The following POFUT3 variants were observed in gnomAD, a reference collection of about 807,000 sequenced individuals.
POFUT3 encodes protein O-fucosyltransferase 3, also known as GDP-fucose protein O-fucosyltransferase 3.
the POFUT3 span, chr8:33,461,728 G>T: frequency 8.0e-7 from 1 of 1,257,782 alleles, no homozygotes; most frequent in Non-Finnish European, 1.1e-6. Flanking sequence ...AAAAAATTCT[G>T]CAACAAAAGA....
At chr8:33,379,294 C>A in the POFUT3 span, among the ~76,000 whole-genome samples, 1 of 151,834 alleles carries the variant, frequency 6.6e-6, no homozygotes, top group Admixed American at 6.6e-5. Flanking sequence ...CCCCAACCCA[C>A]GCACATTAAC....
the POFUT3 span, among the ~76,000 whole-genome samples, chr8:33,312,523 T>C: frequency 6.6e-6 from 1 of 151,926 alleles, no homozygotes; most frequent in East Asian, 1.9e-4. Flanking sequence ...CTATGATGAG[T>C]TAGTTTTACT....
the POFUT3 span, among the ~76,000 whole-genome samples, chr8:33,407,632 A>G: frequency 6.6e-6 from 1 of 152,222 alleles, no homozygotes; most frequent in African/African-American, 2.4e-5. Context: ...GCAAGCCTTC[A>G]GCAAACCCTC....
At chr8:33,417,296 A>T in the POFUT3 span, among the ~76,000 whole-genome samples, 1 of 152,222 alleles carries the variant, frequency 6.6e-6, no homozygotes, top group South Asian at 2.1e-4. Flanking sequence ...ATTCTACATT[A>T]TGGTGAGTTG....
the POFUT3 span, among the ~76,000 whole-genome samples, chr8:33,455,343 C>G: frequency 1.3e-5 from 2 of 152,096 alleles, no homozygotes; most frequent in Non-Finnish European, 2.9e-5. Flanking sequence ...TCCAGAAGTG[C>G]TGCCTTTTCA....
At chr8:33,420,722 C>T in the POFUT3 span, among the ~76,000 whole-genome samples, 1 of 151,878 alleles carries the variant, frequency 6.6e-6, no homozygotes, top group African/African-American at 2.4e-5. Flanking sequence ...GGAATAAGTT[C>T]TCATGTTCTA....
chr8:33,380,230 CTA>C, the POFUT3 span, among the ~76,000 whole-genome samples: 80 of 54,696 alleles, frequency 1.5e-3, 1 homozygote, highest in African/African-American at 7.5e-3. Flanking sequence ...TATATATATA[CTA>C]TATATATATA....
the POFUT3 span, among the ~76,000 whole-genome samples, chr8:33,429,846 A>G: frequency 6.6e-6 from 1 of 151,970 alleles, no homozygotes; most frequent in Non-Finnish European, 1.5e-5. Flanking sequence ...AAATACAAAA[A>G]TTAGCTGGGC....
chr8:33,318,239 T>G, the POFUT3 span, among the ~76,000 whole-genome samples: 1 of 151,798 alleles, frequency 6.6e-6, no homozygotes, highest in Non-Finnish European at 1.5e-5. Context: ...AAGTTTAAAC[T>G]GCTCCACAAT....
the POFUT3 span, among the ~76,000 whole-genome samples, chr8:33,470,871 C>A: frequency 5.9e-5 from 9 of 152,178 alleles, no homozygotes; most frequent in African/African-American, 1.9e-4. Flanking sequence ...TAAATTATAT[C>A]CAGGAGTAAA....
the POFUT3 span, among the ~76,000 whole-genome samples, chr8:33,337,256 T>C: frequency 6.6e-6 from 1 of 152,334 alleles, no homozygotes; most frequent in Non-Finnish European, 1.5e-5. Flanking sequence ...AGAGATTTTT[T>C]AAATCATCTA....
the POFUT3 span, among the ~76,000 whole-genome samples, chr8:33,432,841 T>A: frequency 6.6e-6 from 1 of 152,336 alleles, no homozygotes; most frequent in Admixed American, 6.5e-5. Flanking sequence ...ATTTTCAGGA[T>A]GATAAAATAA....
the POFUT3 span, among the ~76,000 whole-genome samples, chr8:33,467,204 T>C: frequency 1.7e-5 from 2 of 120,318 alleles, no homozygotes; most frequent in African/African-American, 6.7e-5. Flanking sequence ...ACCCGGGAGG[T>C]GGAGGTTGCA....
At chr8:33,367,674 A>G in the POFUT3 span, among the ~76,000 whole-genome samples, 1 of 152,150 alleles carries the variant, frequency 6.6e-6, no homozygotes, top group Admixed American at 6.5e-5. Flanking sequence ...AATAAAATTC[A>G]TCATTTTTAT....
At chr8:33,357,495 AATAT>A in the POFUT3 span, among the ~76,000 whole-genome samples, 1 of 147,846 alleles carries the variant, frequency 6.8e-6, no homozygotes, top group Admixed American at 6.7e-5. Flanking sequence ...TCCTCTTGCA[AATAT>A]ATATATATAT....
the POFUT3 span, among the ~76,000 whole-genome samples, chr8:33,392,708 G>T: frequency 6.6e-6 from 1 of 151,974 alleles, no homozygotes; most frequent in Non-Finnish European, 1.5e-5. Context: ...ACCTGGCCAG[G>T]CATGGTGGCT....
At chr8:33,331,086 T>A in the POFUT3 span, among the ~76,000 whole-genome samples, 1 of 152,132 alleles carries the variant, frequency 6.6e-6, no homozygotes, top group Admixed American at 6.5e-5. Context: ...ACGCTTGTAA[T>A]CCCAGCACTT....
the POFUT3 span, among the ~76,000 whole-genome samples, chr8:33,381,183 T>C: frequency 2.6e-5 from 4 of 152,248 alleles, no homozygotes; most frequent in African/African-American, 4.8e-5. Flanking sequence ...TATAAAGCAA[T>C]GGAAAATTAC....
chr8:33,471,212 G>A, the POFUT3 span, among the ~76,000 whole-genome samples: 6 of 151,976 alleles, frequency 3.9e-5, no homozygotes, highest in East Asian at 1.2e-3. Context: ...TTTACATTCC[G>A]AGGTTGGTTT....
Sources: allele counts gnomAD v4.1 joint callset (sites outside exome capture counted in the v4.1 genomes callset), GRCh38; gene constraint gnomAD v4.1.1; transcripts MANE v1.5; gene names NCBI Gene and HGNC (gene_info 2026-07-23, HGNC 2026-07-21).